Variants in AOPEP observed in about 807,000 individuals in gnomAD.
AOPEP encodes aminopeptidase O (putative), also known as aminopeptidase O.
A neutral mutation model predicts 98.1 loss-of-function variants in AOPEP; 77 were observed. The observed-to-expected ratio is 0.78, with a 90% CI of 0.65 to 0.95. The LOEUF (loss-of-function observed/expected upper bound fraction) is 0.95, where lower values mean the gene tolerates loss of function less well. AOPEP is among the 40% of genes least tolerant of loss of function. AOPEP has a pLI of 0.00. For missense variants in AOPEP, 1,024 were observed against 1,024.7 expected (o/e 1.00, Z 0.01); for synonymous variants, 346 against 365.3 (o/e 0.95, Z 0.60).
chr9:94,736,083 G>A (rs1831694711), intron 1 of AOPEP, among the ~76,000 whole-genome samples: 1 of 152,274 alleles, frequency 6.6e-6, no homozygotes, highest in South Asian at 2.1e-4. Flanking sequence ...ATGGTCATTT[G>A]GTTGTTTTGC....
chr9:94,797,810 C>T (rs1264806430), intron 4 of AOPEP, among the ~76,000 whole-genome samples: 1 of 150,076 alleles, frequency 6.7e-6, no homozygotes, highest in Non-Finnish European at 1.5e-5. Flanking sequence ...TCAAGTGATT[C>T]TCCTGCCTCA....
Position 95,064,483 on chromosome 9 carries a change from G to C in AOPEP, c.2232+3673G>C, listed in dbSNP as rs550342999. ...TTTTTTGTATTTTAATAGAGACGGG[G>C]TTTCACCATCTTGGCCAGGCTGTTC... On this transcript the variant is annotated intron_variant, in intron 14 of 16. Transcript: ENST00000375315. Among the ~76,000 whole-genome samples the C allele has an allele frequency of 3.9e-5, 6 of 152,260 alleles. No individual in the cohort carries two copies. The South Asian group carries it at 8.3e-4, about 21-fold the overall frequency.
At chr9:95,095,407 T>C in the AOPEP span, among the ~76,000 whole-genome samples, 4 of 152,194 alleles carry the variant, frequency 2.6e-5, no homozygotes, top group Non-Finnish European at 4.4e-5. Context: ...CCGTTCCCTG[T>C]GTCGTGTGTG....
chr9:94,963,863 T>A (rs1338467299), intron 9 of AOPEP, among the ~76,000 whole-genome samples: 1 of 152,246 alleles, frequency 6.6e-6, no homozygotes, highest in Non-Finnish European at 1.5e-5. Flanking sequence ...GAGACATTTT[T>A]CTTTTTATTT....
At chr9:94,812,610 T>C (rs1291957544) in intron 5 of AOPEP, among the ~76,000 whole-genome samples, 1 of 152,108 alleles carries the variant, frequency 6.6e-6, no homozygotes, top group African/African-American at 2.4e-5. Context: ...CCATGTTTCC[T>C]ATCACTGGGA....
At chr9:94,793,895 C>G (rs1846327205) in intron 4 of AOPEP, among the ~76,000 whole-genome samples, 1 of 152,174 alleles carries the variant, frequency 6.6e-6, no homozygotes. Flanking sequence ...CTTATGTGGT[C>G]AAAAACATAG....
chr9:94,813,399 C>G (rs1389854734), intron 5 of AOPEP, among the ~76,000 whole-genome samples: 1 of 152,186 alleles, frequency 6.6e-6, no homozygotes, highest in Non-Finnish European at 1.5e-5. Flanking sequence ...TACCACCTGA[C>G]TTTATAGCTT....
At chr9:95,128,750 C>G in the AOPEP span, among the ~76,000 whole-genome samples, 1 of 152,194 alleles carries the variant, frequency 6.6e-6, no homozygotes, top group Non-Finnish European at 1.5e-5. Context: ...CAGATGGACT[C>G]TCCTCTTAGA....
intron 4 of AOPEP, among the ~76,000 whole-genome samples, chr9:94,795,492 A>G (rs1219372918): frequency 6.6e-6 from 1 of 152,216 alleles, no homozygotes; most frequent in Non-Finnish European, 1.5e-5. Flanking sequence ...TTGATGGTGA[A>G]GAAGTACTCT....
rs1217428604 is a variant in AOPEP at position 94,955,986 on chromosome 9, A to G, written c.1843A>G (p.Thr615Ala). The change falls in exon 9 of 17, where the codon ACA becomes GCA. Residue 615 changes from threonine (T) to alanine (A), a missense_variant. Around this residue, in one of 3 missense-constraint regions of AOPEP, gnomAD observed 566 missense variants for 551.7 expected, o/e 1.03. Transcript: ENST00000375315. Reference protein sequence around the residue: ...YFSFLRKFVHTFHGQLILSQD... With the variant: ...YFSFLRKFVHAFHGQLILSQD... ...TTCATTTTTAAGAAAATTTGTGCAC[A>G]CATTTCATGGACAGCTGATTCTTTC... 1 of 1,613,176 alleles carries G rather than the reference A, an allele frequency of 6.2e-7. No homozygotes were observed. The highest frequency in any genetic ancestry group is 1.7e-5 in the Admixed American group (1 of 60,010).
chr9:94,827,035 A>G (rs1854777309), intron 5 of AOPEP, among the ~76,000 whole-genome samples: 1 of 152,210 alleles, frequency 6.6e-6, no homozygotes, highest in Non-Finnish European at 1.5e-5. Context: ...CCAATGCATG[A>G]TAAAATTTGG....
chr9:94,928,885 A>T (rs888405594), intron 7 of AOPEP: 4 of 198,608 alleles, frequency 2.0e-5, no homozygotes, highest in Middle Eastern at 1.9e-3. Flanking sequence ...AAGGGGAAAA[A>T]AATCTTTAGG....
chr9:94,874,665 T>C (rs1001415860), intron 5 of AOPEP, among the ~76,000 whole-genome samples: 4 of 152,178 alleles, frequency 2.6e-5, no homozygotes, highest in South Asian at 2.1e-4. Context: ...AGAAGAAATA[T>C]GGCTTGGTCC....
chr9:95,021,154 C>A (rs1405533075), intron 13 of AOPEP, among the ~76,000 whole-genome samples: 1 of 152,048 alleles, frequency 6.6e-6, no homozygotes, highest in East Asian at 1.9e-4. Context: ...GCTGTTTGTT[C>A]ATAGGCCAGA....
At chr9:94,993,108 C>T (rs1367566806) in intron 11 of AOPEP, among the ~76,000 whole-genome samples, 1 of 152,138 alleles carries the variant, frequency 6.6e-6, no homozygotes, top group African/African-American at 2.4e-5. Context: ...TAGTTGAAAT[C>T]AATTATTCAT....
At chr9:94,946,703 G>A (rs2057669163) in intron 7 of AOPEP, among the ~76,000 whole-genome samples, 1 of 152,126 alleles carries the variant, frequency 6.6e-6, no homozygotes, top group African/African-American at 2.4e-5. Flanking sequence ...TGACCAATAG[G>A]TCACTTTTTT....
At chr9:94,981,213 A>C (rs893940282) in intron 11 of AOPEP, among the ~76,000 whole-genome samples, 8 of 152,234 alleles carry the variant, frequency 5.3e-5, no homozygotes, top group African/African-American at 1.9e-4. Flanking sequence ...TTTAGCTGCC[A>C]GCAGGAGGCT....
chr9:94,908,173 T>C lies in AOPEP; in HGVS notation c.1365-15813T>C, dbSNP rs376790201. Among the ~76,000 whole-genome samples the C allele has an allele frequency of 2.5e-4, 38 of 152,290 alleles. No homozygotes were observed. In the East Asian group the frequency reaches 6.6e-3, roughly 26 times the overall value. On this transcript the variant is annotated intron_variant, in intron 5 of 16. Transcript: ENST00000375315. ...TCAGTTGCCTGTGGGTGGGTTCCCA[T>C]CCGCTGCCACCTCTCCAACCACACT...
Position 95,042,518 on chromosome 9 carries a change from A to G in AOPEP, c.2116-18176A>G, listed in dbSNP as rs1280199751. Among the ~76,000 whole-genome samples the G allele has an allele frequency of 3.3e-5, 5 of 152,332 alleles. No individual in the cohort carries two copies. The South Asian group carries it at 1.0e-3, about 32-fold the overall frequency. On this transcript the variant is annotated intron_variant, in intron 13 of 16. Coordinates refer to ENST00000375315, the MANE Select transcript of AOPEP (RefSeq NM_001193329.3). ...TATTGTGGCTTAAAACAAATTTATT[A>G]TAGTATCTGGAGGTCAGAAGTCCAA...
Sources: gnomAD v4.1 joint callset for allele counts (sites outside exome capture counted in the v4.1 genomes callset) on GRCh38, gnomAD v4.1.1 for gene constraint, gnomAD v4.1.1 regional missense constraint, MANE v1.5 for transcripts, NCBI Gene and HGNC (gene_info 2026-07-23, HGNC 2026-07-21) for gene names.